The following THRB variants were observed in gnomAD, a reference collection of about 807,000 sequenced individuals.
THRB encodes nuclear receptor subfamily 1 group A member 2.
A neutral mutation model predicts 47.8 loss-of-function variants in THRB; 12 were observed. The observed-to-expected ratio is 0.25, with a 90% CI of 0.16 to 0.41. The LOEUF (loss-of-function observed/expected upper bound fraction) is 0.41, where lower values mean the gene tolerates loss of function less well. Ranked by LOEUF, THRB falls within the 10% of genes least tolerant of loss-of-function variation. The pLI is 1.00. For missense variants in THRB, 348 were observed against 589.2 expected (o/e 0.59, Z 4.24); for synonymous variants, 218 against 212.2 (o/e 1.03, Z -0.24).
At chr3:24,450,977 T>C (rs992973200) in intron 1 of THRB, among the ~76,000 whole-genome samples, 2 of 152,126 alleles carry the variant, frequency 1.3e-5, no homozygotes, top group Non-Finnish European at 2.9e-5. Flanking sequence ...TTTCTTCAAA[T>C]TGAAATAAAA....
Position 24,228,972 on chromosome 3 carries a change from A to G in THRB, c.-13T>C, listed in dbSNP as rs369190952. ...TGTTGGGAGTCATAGGTTAGTAATC[A>G]TTCTGGATCCCTTTTTTCACTGACA... is the stretch of plus-strand genomic sequence containing the variant. On this transcript the variant is annotated 5_prime_UTR_variant, in exon 4 of 11. An upstream start codon of the reference 5' UTR is lost. Coordinates refer to ENST00000646209, the MANE Select transcript of THRB (RefSeq NM_001354712.2). 3.8e-5 allele frequency: 61 copies of G among 1,611,424 alleles called. No homozygotes were observed. Among genetic ancestry groups the G allele is most frequent in the Non-Finnish European group, 4.2e-6 (5 of 1,178,392 alleles).
At chr3:24,329,194 C>T (rs2061767127) in intron 2 of THRB, among the ~76,000 whole-genome samples, 1 of 152,204 alleles carries the variant, frequency 6.6e-6, no homozygotes, top group Non-Finnish European at 1.5e-5. Flanking sequence ...ATCCTCCCAC[C>T]TTGGCCTCCC....
At chr3:24,478,599 G>T (rs1695838667) in intron 1 of THRB, among the ~76,000 whole-genome samples, 2 of 136,486 alleles carry the variant, frequency 1.5e-5, no homozygotes, top group Non-Finnish European at 3.3e-5. Flanking sequence ...AGGAAGAGAG[G>T]GGAGAAGGAT....
intron 1 of THRB, among the ~76,000 whole-genome samples, chr3:24,416,193 G>C (rs2068718735): frequency 6.6e-6 from 1 of 151,744 alleles, no homozygotes; most frequent in Non-Finnish European, 1.5e-5. Flanking sequence ...ATGGAGTCAA[G>C]GACCTGTAAG....
chr3:24,170,342 A>G (rs1464215024), intron 5 of THRB, among the ~76,000 whole-genome samples: 1 of 152,102 alleles, frequency 6.6e-6, no homozygotes, highest in Non-Finnish European at 1.5e-5. Flanking sequence ...ATCCATCATC[A>G]TCTCCTAACT....
chr3:24,382,756 C>T (rs1191958006), intron 1 of THRB, among the ~76,000 whole-genome samples: 1 of 152,118 alleles, frequency 6.6e-6, no homozygotes, highest in Admixed American at 6.6e-5. Context: ...CTGAAATTCA[C>T]CCATTTTTCT....
chr3:24,357,369 A>C (rs1203468372), intron 1 of THRB, among the ~76,000 whole-genome samples: 10 of 146,858 alleles, frequency 6.8e-5, no homozygotes, highest in East Asian at 2.0e-4. Context: ...AAAAAAAAAA[A>C]AAAAACAAAA....
chr3:24,216,464 C>T (rs12497911), intron 4 of THRB, among the ~76,000 whole-genome samples: 215 of 152,054 alleles, frequency 1.4e-3, no homozygotes, highest in Non-Finnish European at 2.5e-3. Flanking sequence ...AAAAATTAGC[C>T]GGGCGTGGTG....
At chr3:24,414,858 CT>C (rs1300125671) in intron 1 of THRB, among the ~76,000 whole-genome samples, 2 of 151,854 alleles carry the variant, frequency 1.3e-5, no homozygotes, top group African/African-American at 2.4e-5. Flanking sequence ...GAAAATCTGT[CT>C]ATTTTCTAAT....
chr3:24,264,332 G>A (rs2052409826), intron 3 of THRB, among the ~76,000 whole-genome samples: 1 of 152,128 alleles, frequency 6.6e-6, no homozygotes. Flanking sequence ...GTTGAGTAGA[G>A]AACCCAGGCC....
chr3:24,299,788 TA>T (rs138680568), intron 2 of THRB, among the ~76,000 whole-genome samples: 21,620 of 94,708 alleles, frequency 0.23, 2,635 homozygotes, highest in Middle Eastern at 0.38. Context: ...TTTATTTATT[TA>T]TTTTTTTTTT....
intron 5 of THRB, among the ~76,000 whole-genome samples, chr3:24,157,889 C>G (rs1436371728): frequency 2.0e-5 from 3 of 152,100 alleles, no homozygotes; most frequent in African/African-American, 7.2e-5. Flanking sequence ...ATAAGAAGTA[C>G]CTAGTGAAAT....
intron 1 of THRB, among the ~76,000 whole-genome samples, chr3:24,428,268 T>A (rs1298916022): frequency 6.6e-6 from 1 of 152,054 alleles, no homozygotes; most frequent in Non-Finnish European, 1.5e-5. Flanking sequence ...GGCATTAAGC[T>A]AAGCACTGAA....
rs561139483 is a variant in THRB at position 24,203,982 on chromosome 3, C to A, written c.23-13648G>T. 6.6e-5 allele frequency among the ~76,000 whole-genome samples: 10 copies of A among 152,358 alleles called. No homozygotes were observed. The South Asian group carries it at 1.7e-3, about 25-fold the overall frequency. Reference sequence around the variant, plus strand: ...GGAGGGGCACCCGCCATTGCTGAGGCTTGAGTAGGTAAACAAAGCAGCCGG... The same window carrying A: ...GGAGGGGCACCCGCCATTGCTGAGGATTGAGTAGGTAAACAAAGCAGCCGG... On this transcript the variant is annotated intron_variant, in intron 4 of 10. Transcript: ENST00000646209.
chr3:24,205,747 A>G (rs1314584643), intron 4 of THRB, among the ~76,000 whole-genome samples: 2 of 152,238 alleles, frequency 1.3e-5, no homozygotes, highest in Non-Finnish European at 2.9e-5. Context: ...TGCTGTATTC[A>G]GGAAACCCAT....
chr3:24,362,068 T>C (rs1006336055), intron 1 of THRB, among the ~76,000 whole-genome samples: 4 of 152,186 alleles, frequency 2.6e-5, no homozygotes, highest in African/African-American at 9.6e-5. Flanking sequence ...GGCCAAGCAC[T>C]GTGCTAAACA....
chr3:24,138,012 G>A (rs937745708), intron 8 of THRB, among the ~76,000 whole-genome samples: 4 of 151,694 alleles, frequency 2.6e-5, no homozygotes, highest in Non-Finnish European at 5.9e-5. Context: ...AGAGATTCAG[G>A]TGTGTGTTCA....
rs1284215276 is a variant in THRB, at chr3:24,156,715, CTG to C, written c.284-4227_284-4226del. On this transcript the variant is annotated intron_variant, in intron 5 of 10. Transcript: ENST00000646209. ...TCTTGGGACGGGATAGAGGATGAGA[CTG>C]TATTTTGTCACCCTTCAGGAAGCTA... Among the ~76,000 whole-genome samples the C allele has an allele frequency of 5.3e-5, 8 of 152,260 alleles. 1 individual carries two copies. Among genetic ancestry groups the C allele is most frequent in the Middle Eastern group, 6.8e-3 (2 of 294 alleles).
chr3:24,298,958 G>C (rs2056676705), intron 2 of THRB, among the ~76,000 whole-genome samples: 1 of 151,978 alleles, frequency 6.6e-6, no homozygotes, highest in South Asian at 2.1e-4. Flanking sequence ...GCTTAGAAAA[G>C]TAATTCAGGC....
Sources: allele counts gnomAD v4.1 joint callset (sites outside exome capture counted in the v4.1 genomes callset), GRCh38; gene constraint gnomAD v4.1.1; transcripts MANE v1.5; gene names NCBI Gene and HGNC (gene_info 2026-07-23, HGNC 2026-07-21).